The following TTC13 variants were observed in gnomAD, a reference collection of about 807,000 sequenced individuals.
TTC13 encodes the protein tetratricopeptide repeat domain 13, also known as tetratricopeptide repeat protein 13.
TTC13 carries 62 observed loss-of-function variants against 120.0 expected under a neutral mutation model. The ratio of observed to expected loss-of-function variants is 0.52; its 90% CI spans 0.42 to 0.64. The LOEUF (loss-of-function observed/expected upper bound fraction) is 0.64, where lower values mean the gene tolerates loss of function less well. Ranked by LOEUF, TTC13 falls within the 30% of genes least tolerant of loss-of-function variation. The pLI is 0.00. For synonymous variants in TTC13, 384 were observed against 393.5 expected, an observed-to-expected ratio of 0.98 and a Z score of 0.28; for missense variants, 824 against 1,050.2, an observed-to-expected ratio of 0.78 and a Z score of 2.98.
At position 230,931,281 on chromosome 1, in the gene TTC13, G is replaced by A. The variant is rs1673533053; in HGVS notation, c.1300+17C>T. ...TTGAGCATGAAAATCCAACAATTCT[G>A]TGATTTTCTGACTTACCTCGGAGAT... On this transcript the variant is annotated intron_variant, in intron 11 of 22. Coordinates refer to ENST00000366661, the MANE Select transcript of TTC13 (RefSeq NM_024525.5). The A allele has an allele frequency of 6.2e-7, 1 of 1,609,668 alleles. No homozygotes were observed. Among genetic ancestry groups the A allele is most frequent in the South Asian group, 1.1e-5 (1 of 90,636 alleles).
In TTC13 at chr1:230,917,685, G is replaced by A. The variant is rs572935063; in HGVS notation, c.1984-1383C>T. 9.2e-5 allele frequency among the ~76,000 whole-genome samples: 14 copies of A among 152,184 alleles called. No individual in the cohort carries two copies. In the East Asian group the frequency reaches 1.4e-3, roughly 15 times the overall value. On this transcript the variant is annotated intron_variant, in intron 17 of 22. Coordinates refer to ENST00000366661, the MANE Select transcript of TTC13 (RefSeq NM_024525.5). The stretch of plus-strand genomic sequence containing the variant: ...AGACAACAGTTGGTGATTTCACACC[G>A]AGAGGCACACTGAGGCTGGCGATGC...
intron 2 of TTC13, among the ~76,000 whole-genome samples, chr1:230,959,032 T>C (rs1346076719): frequency 6.6e-6 from 1 of 152,216 alleles, no homozygotes. Context: ...GGCTTGATTG[T>C]GGCAACCATT....
At chr1:230,926,375 C>G (rs544905627) in intron 12 of TTC13, among the ~76,000 whole-genome samples, 3 of 152,074 alleles carry the variant, frequency 2.0e-5, no homozygotes, top group African/African-American at 7.2e-5. Flanking sequence ...CGATTAGTTG[C>G]GAACACGTGT....
Position 230,908,979 on chromosome 1 carries a change from C to T in TTC13, c.2351G>A (p.Ser784Asn), listed in dbSNP as rs1558158811. The T allele has an allele frequency of 6.2e-7, 1 of 1,614,192 alleles. No homozygotes were observed. The highest frequency in any genetic ancestry group is 2.2e-5 in the East Asian group (1 of 44,878). Residue 784 changes from serine (S) to asparagine (N), a missense_variant, in exon 21 of 23, where the codon AGT becomes AAT. Ser to Asn is a conservative substitution (Grantham distance 46). Around this residue, in one of 4 missense-constraint regions of TTC13, gnomAD observed 226 missense variants for 259.1 expected, o/e 0.87. Coordinates refer to ENST00000366661, the MANE Select transcript of TTC13 (RefSeq NM_024525.5). ...YSVIVGALMA[S>N]GKEVAGKIPK... ...AATTTTTCCTGCTACTTCTTTTCCA[C>T]TTGCCATCAGTGCTCCCACGATGAC... is the stretch of plus-strand genomic sequence containing the variant.
chr1:230,934,254 A>G (rs887873455), intron 8 of TTC13, among the ~76,000 whole-genome samples: 2 of 152,232 alleles, frequency 1.3e-5, no homozygotes, highest in Non-Finnish European at 2.9e-5. Flanking sequence ...ATAATTTAAA[A>G]TGATCATAAC....
chr1:230,953,451 C>A (rs748593451), intron 4 of TTC13, among the ~76,000 whole-genome samples: 18 of 152,144 alleles, frequency 1.2e-4, no homozygotes, highest in Non-Finnish European at 2.4e-4. Context: ...CTTTGACTAG[C>A]CAAAATTTAC....
intron 1 of TTC13, among the ~76,000 whole-genome samples, chr1:230,968,734 T>A (rs1018965380): frequency 2.3e-4 from 35 of 152,066 alleles, no homozygotes; most frequent in African/African-American, 8.2e-4. Flanking sequence ...AGACACAGGT[T>A]TCCAGTTTGT....
rs200932562 is a variant in TTC13, at chr1:230,943,834, C to A, written c.644G>T (p.Arg215Leu). The A allele has an allele frequency of 6.2e-7, 1 of 1,611,512 alleles. No homozygotes were observed. Among genetic ancestry groups the A allele is most frequent in the African/African-American group, 1.3e-5 (1 of 74,972 alleles). The change falls in exon 6 of 23, where the codon CGT (arginine) becomes CTT (leucine). Residue 215 changes from arginine to leucine, a missense_variant. Arg to Leu is a moderately radical substitution (Grantham distance 102). Around this residue, in one of 4 missense-constraint regions of TTC13, gnomAD observed 430 missense variants for 626.8 expected, o/e 0.69. Transcript: ENST00000366661. ...TGCTCGCTGCTCAAATACCTCTGGA[C>A]GATCTGGTTCCAAGGTAATTACTCG... ...LSRVITLEPD[R>L]PEVFEQRAEI...
At chr1:230,956,747 T>C (rs1213939931) in intron 3 of TTC13, among the ~76,000 whole-genome samples, 3 of 152,152 alleles carry the variant, frequency 2.0e-5, no homozygotes, top group East Asian at 1.9e-4. Context: ...AACGCAGAAG[T>C]ATCCATTCAT....
intron 1 of TTC13, among the ~76,000 whole-genome samples, chr1:230,977,189 A>C (rs1250068595): frequency 6.6e-6 from 1 of 152,164 alleles, no homozygotes; most frequent in Admixed American, 6.5e-5. Flanking sequence ...TTTCTGATAG[A>C]CTAATATACT....
intron 1 of TTC13, among the ~76,000 whole-genome samples, chr1:230,963,209 TA>T (rs1374075271): frequency 6.6e-6 from 1 of 152,182 alleles, no homozygotes; most frequent in Non-Finnish European, 1.5e-5. Context: ...AAAGAACATA[TA>T]ATTTAGCTAA....
chr1:230,975,075 G>C (rs1429366053), intron 1 of TTC13, among the ~76,000 whole-genome samples: 1 of 152,040 alleles, frequency 6.6e-6, no homozygotes, highest in Non-Finnish European at 1.5e-5. Context: ...TTGTAAAATG[G>C]GGATTAAAAA....
intron 1 of TTC13, among the ~76,000 whole-genome samples, chr1:230,972,025 A>G (rs1159654699): frequency 6.6e-6 from 1 of 152,260 alleles, no homozygotes; most frequent in Non-Finnish European, 1.5e-5. Context: ...AAGGGAACAC[A>G]GAGTCACTGA....
intron 15 of TTC13, among the ~76,000 whole-genome samples, chr1:230,923,134 C>T (rs997697030): frequency 6.6e-6 from 1 of 152,170 alleles, no homozygotes; most frequent in East Asian, 1.9e-4. Context: ...GGTGACACAA[C>T]TACCATATCT....
chr1:230,956,031 G>A (rs1421179730), intron 3 of TTC13, among the ~76,000 whole-genome samples: 1 of 152,190 alleles, frequency 6.6e-6, no homozygotes, highest in Admixed American at 6.5e-5. Flanking sequence ...CTTAATATGT[G>A]CCAGGCACAG....
chr1:230,949,255 T>C (rs1175300121), intron 4 of TTC13, among the ~76,000 whole-genome samples: 2 of 4,644 alleles, frequency 4.3e-4, no homozygotes, highest in Non-Finnish European at 7.5e-4. Flanking sequence ...TGGCTAATAA[T>C]AGTGGGGTGC....
intron 11 of TTC13, 49 bp from the exon 12 acceptor site, chr1:230,929,142 C>G (rs1673306533): frequency 1.3e-6 from 2 of 1,561,876 alleles, no homozygotes; most frequent in Non-Finnish European, 1.7e-6. Flanking sequence ...GCTAAAGAAA[C>G]TTTCTTATGG....
At chr1:230,934,865 A>G (rs1209423388) in intron 8 of TTC13, among the ~76,000 whole-genome samples, 1 of 152,228 alleles carries the variant, frequency 6.6e-6, no homozygotes, top group Non-Finnish European at 1.5e-5. Context: ...TGTACATGGT[A>G]GGCACTCAAT....
chr1:230,964,085 C>G (rs953151018), intron 1 of TTC13, among the ~76,000 whole-genome samples: 1 of 152,146 alleles, frequency 6.6e-6, no homozygotes, highest in African/African-American at 2.4e-5. Context: ...TATACCTGGC[C>G]TTATTCTAAC....
Sources: gnomAD v4.1 joint callset for allele counts (sites outside exome capture counted in the v4.1 genomes callset) on GRCh38, gnomAD v4.1.1 for gene constraint, gnomAD v4.1.1 regional missense constraint, MANE v1.5 for transcripts, NCBI Gene and HGNC (gene_info 2026-07-23, HGNC 2026-07-21) for gene names.